GNG12: variants seen among roughly 807,000 people sequenced by gnomAD.
The protein encoded by GNG12 is G protein subunit gamma 12, also known as guanine nucleotide-binding protein G(I)/G(S)/G(O) subunit gamma-12.
For missense variants in GNG12, 69 were observed against 83.8 expected (o/e 0.82, Z 0.69); for synonymous variants, 28 against 29.7 (o/e 0.94, Z 0.19).
At chr1:67,830,694 T>TA (rs773045774) in intron 1 of GNG12, among the ~76,000 whole-genome samples, 1 of 152,236 alleles carries the variant, frequency 6.6e-6, no homozygotes, top group African/African-American at 2.4e-5. Context: ...ACTTTAGCAC[T>TA]AAAAGCATAT....
intron 2 of GNG12, among the ~76,000 whole-genome samples, chr1:67,754,581 C>T (rs565451195): frequency 3.9e-5 from 6 of 152,310 alleles, no homozygotes; most frequent in South Asian, 2.1e-4. Flanking sequence ...CTCTCTACCT[C>T]CCCTCAATCC....
At chr1:67,810,555 C>G (rs1273699863) in intron 1 of GNG12, among the ~76,000 whole-genome samples, 1 of 152,040 alleles carries the variant, frequency 6.6e-6, no homozygotes, top group Non-Finnish European at 1.5e-5. Flanking sequence ...CTGCTGTGAA[C>G]CTAAAACTGC....
At chr1:67,797,944 A>T (rs1646841989) in intron 1 of GNG12, among the ~76,000 whole-genome samples, 1 of 152,188 alleles carries the variant, frequency 6.6e-6, no homozygotes, top group Admixed American at 6.5e-5. Flanking sequence ...TCTTGAAACC[A>T]GCCTCTTTGG....
chr1:67,711,120 T>C (rs910394731), intron 2 of GNG12, among the ~76,000 whole-genome samples: 4 of 152,196 alleles, frequency 2.6e-5, no homozygotes, highest in African/African-American at 9.7e-5. Context: ...AATTAAAGTT[T>C]AGGAGATAGG....
intron 1 of GNG12, among the ~76,000 whole-genome samples, chr1:67,831,918 A>G (rs1647047907): frequency 6.6e-6 from 1 of 152,158 alleles, no homozygotes. Context: ...TCCTGCGATA[A>G]TTTACTTCGA....
chr1:67,714,721 A>G (rs1401671726), intron 2 of GNG12, among the ~76,000 whole-genome samples: 1 of 152,144 alleles, frequency 6.6e-6, no homozygotes, highest in Non-Finnish European at 1.5e-5. Flanking sequence ...GTGTCCCCCA[A>G]AATTTATATG....
At chr1:67,743,321 C>T (rs1646492797) in intron 2 of GNG12, among the ~76,000 whole-genome samples, 1 of 152,146 alleles carries the variant, frequency 6.6e-6, no homozygotes, top group South Asian at 2.1e-4. Flanking sequence ...GTTCTTCATG[C>T]TACTGTCAGC....
intron 2 of GNG12, among the ~76,000 whole-genome samples, chr1:67,709,680 G>A (rs748953852): frequency 1.3e-5 from 2 of 150,078 alleles, no homozygotes; most frequent in East Asian, 2.0e-4. Flanking sequence ...TGCTCACACC[G>A]AGTGGCCTGG....
chr1:67,734,970 C>G (rs1646444028), intron 2 of GNG12, among the ~76,000 whole-genome samples: 1 of 152,190 alleles, frequency 6.6e-6, no homozygotes, highest in Admixed American at 6.5e-5. Flanking sequence ...TCTCCTGCTT[C>G]AGCCTCCAGA....
chr1:67,717,028 C>T (rs1372721483), intron 2 of GNG12, among the ~76,000 whole-genome samples: 1 of 152,120 alleles, frequency 6.6e-6, no homozygotes, highest in African/African-American at 2.4e-5. Context: ...GTGTCTAGAA[C>T]ACCTGGGGCA....
At chr1:67,749,120 G>A (rs1481195403) in intron 2 of GNG12, among the ~76,000 whole-genome samples, 4 of 152,162 alleles carry the variant, frequency 2.6e-5, no homozygotes, top group African/African-American at 9.7e-5. Flanking sequence ...AAGGTCTACA[G>A]ACATTACTTA....
Position 67,705,450 on chromosome 1 carries a change from A to G in GNG12, c.*1T>C. 6.2e-7 allele frequency: 1 copy of G among 1,613,660 alleles called. No individual in the cohort carries two copies. Among genetic ancestry groups the G allele is most frequent in the Non-Finnish European group, 8.5e-7 (1 of 1,179,878 alleles). On this transcript the variant is annotated 3_prime_UTR_variant, in exon 4 of 4. Transcript: ENST00000370982. ...AGGCGAGGAGCTGTTTCTCTATTCC[A>G]CTATAAGATGATGCAAGTTTTTTTA...
At chr1:67,749,355 T>TA (rs899645209) in intron 2 of GNG12, among the ~76,000 whole-genome samples, 15 of 152,164 alleles carry the variant, frequency 9.9e-5, no homozygotes, top group Non-Finnish European at 1.5e-4. Flanking sequence ...GTTTTAATAA[T>TA]AAAAAAGCCC....
At chr1:67,734,552 A>G (rs1646441092) in intron 2 of GNG12, among the ~76,000 whole-genome samples, 1 of 152,218 alleles carries the variant, frequency 6.6e-6, no homozygotes, top group Admixed American at 6.5e-5. Context: ...TTACCTAGGG[A>G]GTAGCAGATA....
At chr1:67,730,461 T>C (rs562657232) in intron 2 of GNG12, among the ~76,000 whole-genome samples, 2 of 152,252 alleles carry the variant, frequency 1.3e-5, no homozygotes, top group South Asian at 2.1e-4. Context: ...GCTGAGATCA[T>C]GCCATTGCAC....
intron 1 of GNG12, among the ~76,000 whole-genome samples, chr1:67,815,006 T>C (rs1187135032): frequency 2.6e-5 from 4 of 152,240 alleles, no homozygotes. Context: ...AGATTCCATT[T>C]TTCATTTTTA....
chr1:67,810,796 T>G (rs1355456482), intron 1 of GNG12, among the ~76,000 whole-genome samples: 1 of 152,168 alleles, frequency 6.6e-6, no homozygotes, highest in Non-Finnish European at 1.5e-5. Context: ...TCCAGTTCTG[T>G]GATGACCGCA....
chr1:67,726,680 CT>C (rs1234238753), intron 2 of GNG12, among the ~76,000 whole-genome samples: 1 of 152,206 alleles, frequency 6.6e-6, no homozygotes, highest in East Asian at 1.9e-4. Context: ...AATTGTTTAG[CT>C]TTTTTCTAGT....
At chr1:67,780,541 T>C (rs908810529) in intron 1 of GNG12, among the ~76,000 whole-genome samples, 3 of 152,182 alleles carry the variant, frequency 2.0e-5, no homozygotes, top group Non-Finnish European at 4.4e-5. Context: ...TGGTATATCG[T>C]AGATACTCAG....
Sources: gnomAD v4.1 joint callset for allele counts (sites outside exome capture counted in the v4.1 genomes callset) on GRCh38, gnomAD v4.1.1 for gene constraint, MANE v1.5 for transcripts, NCBI Gene and HGNC (gene_info 2026-07-23, HGNC 2026-07-21) for gene names.